The following KCNMA1 variants were observed in gnomAD, a reference collection of about 807,000 sequenced individuals.
The protein encoded by KCNMA1 is Calcium-activated potassium channel subunit alpha-1.
A neutral mutation model predicts 140.0 loss-of-function variants in KCNMA1; 29 were observed. The ratio of observed to expected loss-of-function variants is 0.21; its 90% CI spans 0.15 to 0.28. The LOEUF is 0.28. Ranked by LOEUF, KCNMA1 falls within the 10% of genes least tolerant of loss-of-function variation. The pLI is 1.00. For synonymous variants in KCNMA1, 612 were observed against 611.9 expected, an observed-to-expected ratio of 1.00 and a Z score of 0.00; for missense variants, 880 against 1,602.2, an observed-to-expected ratio of 0.55 and a Z score of 7.70.
chr10:77,096,988 G>A (rs977358374), intron 9 of KCNMA1, among the ~76,000 whole-genome samples: 16 of 152,182 alleles, frequency 1.1e-4, no homozygotes, highest in African/African-American at 3.9e-4. Flanking sequence ...GCAGGGCGTG[G>A]GGGGTTAGAG....
At chr10:77,626,000 C>T (rs1249598754) in intron 1 of KCNMA1, among the ~76,000 whole-genome samples, 3 of 148,880 alleles carry the variant, frequency 2.0e-5, no homozygotes, top group African/African-American at 7.6e-5. Context: ...TCTCCACATC[C>T]TCACCAACAC....
intron 1 of KCNMA1, among the ~76,000 whole-genome samples, chr10:77,520,616 G>C (rs1043768266): frequency 1.3e-5 from 2 of 152,078 alleles, no homozygotes; most frequent in African/African-American, 4.8e-5. Flanking sequence ...GAATTGAGAT[G>C]AGAATAGTGT....
intron 9 of KCNMA1, among the ~76,000 whole-genome samples, chr10:77,096,543 T>C (rs2096937232): frequency 6.6e-6 from 1 of 152,204 alleles, no homozygotes; most frequent in Non-Finnish European, 1.5e-5. Context: ...GCCTTAGATC[T>C]TTCTTTAGCA....
At chr10:77,460,453 C>T (rs966663110) in intron 1 of KCNMA1, among the ~76,000 whole-genome samples, 1 of 152,170 alleles carries the variant, frequency 6.6e-6, no homozygotes, top group Non-Finnish European at 1.5e-5. Flanking sequence ...TGCAGCACTA[C>T]TCACATTAGC....
At position 76,910,416 on chromosome 10, in the gene KCNMA1, C is replaced by T. The variant is rs1590260612; in HGVS notation, c.3017-320G>A. ...AGGATCATGACCTAAAAACACTTTC[C>T]AGTGTTTTTTGGTAACCAAGTCCTT... On this transcript the variant is annotated intron_variant, in intron 24 of 27. Coordinates refer to ENST00000286628, the MANE Select transcript of KCNMA1 (RefSeq NM_001161352.2). The T allele has an allele frequency of 1.7e-5, 6 of 357,482 alleles. No homozygotes were observed. In the East Asian group the frequency reaches 4.1e-4, roughly 25 times the overall value. The allele number at this position is 357,482 out of a possible 1,614,324, so 22.1% of individuals were successfully genotyped here.
intron 29 of KCNMA1, among the ~76,000 whole-genome samples, chr10:76,878,222 A>T (rs2032948511): frequency 6.6e-6 from 1 of 152,024 alleles, no homozygotes; most frequent in Non-Finnish European, 1.5e-5. Context: ...TTTGGTGGGG[A>T]GGGGATGTTG....
chr10:77,101,765 G>C (rs914902367), intron 9 of KCNMA1, among the ~76,000 whole-genome samples: 1 of 152,038 alleles, frequency 6.6e-6, no homozygotes, highest in African/African-American at 2.4e-5. Context: ...CCCCTCATGA[G>C]AGCAGTCCGC....
chr10:77,165,812 T>C (rs1308374897), intron 5 of KCNMA1, among the ~76,000 whole-genome samples: 1 of 152,252 alleles, frequency 6.6e-6, no homozygotes, highest in Non-Finnish European at 1.5e-5. Flanking sequence ...AGTTATTTTC[T>C]GAAAGTTAAA....
At chr10:77,472,329 A>G (rs1338441659) in intron 1 of KCNMA1, among the ~76,000 whole-genome samples, 2 of 148,566 alleles carry the variant, frequency 1.3e-5, no homozygotes, top group East Asian at 4.0e-4. Flanking sequence ...TACATACTAA[A>G]CACACATCAC....
chr10:77,173,025 A>C (rs985531681), intron 5 of KCNMA1, among the ~76,000 whole-genome samples: 3 of 152,122 alleles, frequency 2.0e-5, no homozygotes, highest in African/African-American at 7.2e-5. Flanking sequence ...CATCTCCAAC[A>C]CGACGGCATT....
chr10:76,995,111 G>A (rs1439041871), intron 19 of KCNMA1, among the ~76,000 whole-genome samples: 9 of 152,138 alleles, frequency 5.9e-5, no homozygotes, highest in Non-Finnish European at 8.8e-5. Flanking sequence ...CTCAGGGGGC[G>A]ATCCTGAATG....
chr10:77,344,568 CAAGA>C (rs1247705014), intron 2 of KCNMA1, among the ~76,000 whole-genome samples: 1 of 151,924 alleles, frequency 6.6e-6, no homozygotes, highest in African/African-American at 2.4e-5. Context: ...CTTGGAAACT[CAAGA>C]AATGCTTTCT....
At chr10:77,200,917 C>T (rs1401009819) in intron 3 of KCNMA1, among the ~76,000 whole-genome samples, 1 of 152,172 alleles carries the variant, frequency 6.6e-6, no homozygotes, top group Non-Finnish European at 1.5e-5. Flanking sequence ...CTTGGTTAGT[C>T]ATACCGTCAA....
At chr10:77,634,090 T>TA in intron 1 of KCNMA1, 4 of 899,536 alleles carry the variant, frequency 4.4e-6, no homozygotes, top group Non-Finnish European at 5.3e-6. Flanking sequence ...CAAGGAAAGA[T>TA]AGACACCAGA....
At chr10:77,174,092 G>A (rs12413030) in intron 5 of KCNMA1, among the ~76,000 whole-genome samples, 3 of 152,204 alleles carry the variant, frequency 2.0e-5, no homozygotes, top group Admixed American at 2.0e-4. Context: ...TCCTTTCAGA[G>A]CCCAAAATGC....
chr10:77,037,882 C>T (rs545780145), intron 15 of KCNMA1, among the ~76,000 whole-genome samples: 1 of 152,238 alleles, frequency 6.6e-6, no homozygotes, highest in South Asian at 2.1e-4. Context: ...GGGACAGCCT[C>T]AGTGTTCCAG....
intron 2 of KCNMA1, among the ~76,000 whole-genome samples, chr10:77,311,259 A>C (rs558359366): frequency 5.3e-5 from 8 of 152,308 alleles, no homozygotes; most frequent in African/African-American, 1.4e-4. Context: ...TCCCCTGGCA[A>C]ATACAGTGGT....
Position 77,637,780 on chromosome 10 carries a change from G to C in KCNMA1, c.-138C>G. On this transcript the variant is annotated 5_prime_UTR_variant, in exon 1 of 28. Coordinates refer to ENST00000286628, the MANE Select transcript of KCNMA1 (RefSeq NM_001161352.2). Reference sequence around the variant, plus strand: ...CGCCGCGGAGCGCGGGAGGGGGGCGGGGAGGCGCCTGGGCTCGGGGCGCTG... The same window carrying C: ...CGCCGCGGAGCGCGGGAGGGGGGCGCGGAGGCGCCTGGGCTCGGGGCGCTG... 2.3e-6 allele frequency: 3 copies of C among 1,289,980 alleles called. No homozygotes were observed. Among genetic ancestry groups the C allele is most frequent in the Non-Finnish European group, 2.9e-6 (3 of 1,028,240 alleles). 79.9% of individuals were successfully genotyped at this position (1,289,980 alleles called of 1,614,324 possible). A position where few individuals can be genotyped will look rare whatever the true frequency, so the allele number is the denominator to read the frequency against.
chr10:77,261,698 A>G (rs973318720), intron 2 of KCNMA1, among the ~76,000 whole-genome samples: 6 of 152,224 alleles, frequency 3.9e-5, no homozygotes, highest in African/African-American at 1.4e-4. Context: ...ATTGCATCAT[A>G]AAACTTAAAA....
Sources: allele counts gnomAD v4.1 joint callset (sites outside exome capture counted in the v4.1 genomes callset), GRCh38; gene constraint gnomAD v4.1.1; transcripts MANE v1.5; gene names NCBI Gene and HGNC (gene_info 2026-07-23, HGNC 2026-07-21).